Variants in NRXN1 observed in about 807,000 individuals in gnomAD.
NRXN1 encodes neurexin 1.
In NRXN1, 39 loss-of-function variants were observed where a neutral mutation model predicts 150.9. The observed-to-expected ratio is 0.26, with a 90% CI of 0.20 to 0.34. NRXN1 has a LOEUF of 0.34. Ranked by LOEUF, NRXN1 falls within the 10% of genes least tolerant of loss-of-function variation. NRXN1 has a pLI of 1.00. For missense variants in NRXN1, 1,815 were observed against 1,949.9 expected (o/e 0.93, Z 1.30); for synonymous variants, 924 against 757.0 (o/e 1.22, Z -3.62).
chr2:50,357,949 C>T (rs1408311134), intron 17 of NRXN1, among the ~76,000 whole-genome samples: 3 of 152,058 alleles, frequency 2.0e-5, no homozygotes, highest in African/African-American at 4.8e-5. Flanking sequence ...CAGGGTGGGG[C>T]GTCACATGAC....
At chr2:50,648,859 G>A (rs1685183903) in intron 5 of NRXN1, among the ~76,000 whole-genome samples, 1 of 151,862 alleles carries the variant, frequency 6.6e-6, no homozygotes, top group African/African-American at 2.4e-5. Flanking sequence ...AGAACTTTTG[G>A]CCCTTCTATT....
At chr2:50,543,873 G>T (rs918083695) in intron 9 of NRXN1, among the ~76,000 whole-genome samples, 5 of 152,114 alleles carry the variant, frequency 3.3e-5, no homozygotes, top group Non-Finnish European at 7.4e-5. Context: ...AGGAAATGAG[G>T]AGTAGAAAAT....
chr2:50,100,346 C>T (rs1025970129), intron 18 of NRXN1, among the ~76,000 whole-genome samples: 1 of 152,000 alleles, frequency 6.6e-6, no homozygotes, highest in African/African-American at 2.4e-5. Context: ...AGATCTTGAG[C>T]TCCAGTGATA....
At chr2:50,767,754 A>C (rs1408589901) in intron 5 of NRXN1, among the ~76,000 whole-genome samples, 1 of 152,134 alleles carries the variant, frequency 6.6e-6, no homozygotes. Context: ...TAGGCAATTT[A>C]TGTTACCAAT....
In NRXN1 at chr2:50,925,835, C is replaced by A. The variant is rs564970229; in HGVS notation, c.790+103G>T. 1.0e-4 allele frequency: 88 copies of A among 866,400 alleles called. 2 individuals carry two copies. The South Asian group carries it at 1.2e-3, about 11-fold the overall frequency. 53.7% of individuals were successfully genotyped at this position (866,400 alleles called of 1,614,324 possible). On this transcript the variant is annotated intron_variant, in intron 3 of 22. Transcript: ENST00000401669. ...CACAATCCAGAAACCAACAAATGTTCAGAAAGAAGTTCAACTTACCATCTA... is the reference window on the plus strand; with the variant it reads ...CACAATCCAGAAACCAACAAATGTTAAGAAAGAAGTTCAACTTACCATCTA...
chr2:50,938,389 A>G (rs1472648276), intron 2 of NRXN1, among the ~76,000 whole-genome samples: 1 of 152,178 alleles, frequency 6.6e-6, no homozygotes, highest in Non-Finnish European at 1.5e-5. Flanking sequence ...ACCTGACTTC[A>G]TTGTCAATAT....
At position 50,377,155 on chromosome 2, in the gene NRXN1, A is replaced by G. The variant is rs1008349606; in HGVS notation, c.3364+88287T>C. ...GATGTGCAGGTTTGTTATGAAGGCA[A>G]ACATGTGCGATGGTGGTTTGCTGCA... is the stretch of plus-strand genomic sequence containing the variant. On this transcript the variant is annotated intron_variant, in intron 17 of 22. Transcript: ENST00000401669. 2.0e-5 allele frequency among the ~76,000 whole-genome samples: 3 copies of G among 152,184 alleles called. No individual in the cohort carries two copies. In the South Asian group the frequency reaches 6.2e-4, roughly 32 times the overall value.
At chr2:50,505,667 A>G (rs1006480272) in intron 13 of NRXN1, among the ~76,000 whole-genome samples, 45 of 152,162 alleles carry the variant, frequency 3.0e-4, no homozygotes, top group African/African-American at 1.1e-3. Context: ...TTGTTTCAAA[A>G]GTTTAAAATC....
At chr2:50,372,466 A>T (rs1435134979) in intron 17 of NRXN1, among the ~76,000 whole-genome samples, 1 of 152,100 alleles carries the variant, frequency 6.6e-6, no homozygotes, top group Non-Finnish European at 1.5e-5. Context: ...CATGAGGTTC[A>T]CCTAAATAAA....
intron 21 of NRXN1, among the ~76,000 whole-genome samples, chr2:49,979,476 A>C (rs530233629): frequency 6.4e-4 from 98 of 152,292 alleles, no homozygotes; most frequent in Non-Finnish European, 5.3e-4. Flanking sequence ...ATGAAATACA[A>C]AAGAAGAAGC....
chr2:50,225,476 T>C (rs1402273000), intron 18 of NRXN1, among the ~76,000 whole-genome samples: 1 of 151,814 alleles, frequency 6.6e-6, no homozygotes, highest in Admixed American at 6.6e-5. Context: ...TAGTTATAAC[T>C]ACAGTAAGTA....
intron 17 of NRXN1, among the ~76,000 whole-genome samples, chr2:50,249,138 C>G (rs1167461695): frequency 7.0e-6 from 1 of 142,988 alleles, no homozygotes; most frequent in Non-Finnish European, 1.5e-5. Flanking sequence ...CCCTGGACAA[C>G]AAAGTGAGAC....
At chr2:50,605,297 C>T (rs181225973) in intron 8 of NRXN1, among the ~76,000 whole-genome samples, 12 of 152,058 alleles carry the variant, frequency 7.9e-5, no homozygotes, top group Admixed American at 1.3e-4. Flanking sequence ...GGAATCTGGC[C>T]GAGGCAATGT....
At chr2:50,350,971 G>C (rs926762563) in intron 17 of NRXN1, among the ~76,000 whole-genome samples, 1 of 152,170 alleles carries the variant, frequency 6.6e-6, no homozygotes, top group Admixed American at 6.5e-5. Flanking sequence ...AGCAATATTT[G>C]TTATAAATGA....
At chr2:49,959,142 C>A (rs1016449552) in intron 21 of NRXN1, among the ~76,000 whole-genome samples, 1 of 152,168 alleles carries the variant, frequency 6.6e-6, no homozygotes, top group African/African-American at 2.4e-5. Flanking sequence ...TGAGTCCAAG[C>A]ATCCTTATTG....
intron 13 of NRXN1, among the ~76,000 whole-genome samples, chr2:50,505,499 C>A (rs191063579): frequency 8.6e-4 from 131 of 152,248 alleles, no homozygotes; most frequent in African/African-American, 3.0e-3. Flanking sequence ...ATTTCCATGC[C>A]TTTTGATAAA....
At chr2:50,916,089 A>G (rs1230998491) in intron 5 of NRXN1, among the ~76,000 whole-genome samples, 3 of 147,794 alleles carry the variant, frequency 2.0e-5, no homozygotes, top group African/African-American at 7.5e-5. Flanking sequence ...TACTACCACT[A>G]AATTTATTGA....
intron 17 of NRXN1, among the ~76,000 whole-genome samples, chr2:50,409,381 T>C (rs1403804135): frequency 6.6e-6 from 1 of 152,218 alleles, no homozygotes; most frequent in Admixed American, 6.5e-5. Context: ...CATCTTTTTG[T>C]TTGGCTTCTA....
At chr2:50,671,538 G>C (rs1040108040) in intron 5 of NRXN1, among the ~76,000 whole-genome samples, 6 of 151,576 alleles carry the variant, frequency 4.0e-5, no homozygotes, top group African/African-American at 1.5e-4. Context: ...CATCCAGTCA[G>C]ATAAATCAAT....
Sources: gnomAD v4.1 joint callset for allele counts (sites outside exome capture counted in the v4.1 genomes callset) on GRCh38, gnomAD v4.1.1 for gene constraint, MANE v1.5 for transcripts, NCBI Gene and HGNC (gene_info 2026-07-23, HGNC 2026-07-21) for gene names.